The following EML6 variants were observed in gnomAD, a reference collection of about 807,000 sequenced individuals.
EML6 encodes echinoderm microtubule-associated protein-like 6.
Under a neutral mutation model 240.1 loss-of-function variants are expected in EML6, and 154 were observed. That is an observed-to-expected ratio of 0.64 (90% CI 0.56 to 0.73). The LOEUF is 0.73. EML6 is among the 30% of genes least tolerant of loss of function. The pLI is 0.00. For synonymous variants in EML6, 1,148 were observed against 899.0 expected, an observed-to-expected ratio of 1.28 and a Z score of -4.95; for missense variants, 2,964 against 2,474.6, an observed-to-expected ratio of 1.20 and a Z score of -4.20.
At chr2:54,817,349 A>G (rs536512342) in intron 4 of EML6, among the ~76,000 whole-genome samples, 1 of 152,346 alleles carries the variant, frequency 6.6e-6, no homozygotes, top group African/African-American at 2.4e-5. Flanking sequence ...CAGTGTGATC[A>G]AAAATGATAA....
At chr2:54,822,534 A>T (rs1018425756) in intron 5 of EML6, among the ~76,000 whole-genome samples, 1 of 152,224 alleles carries the variant, frequency 6.6e-6, no homozygotes, top group Non-Finnish European at 1.5e-5. Context: ...AGTTGAATAA[A>T]ATGTTACATC....
intron 28 of EML6, among the ~76,000 whole-genome samples, chr2:54,938,503 GA>G (rs1438548895): frequency 6.6e-6 from 1 of 152,124 alleles, no homozygotes; most frequent in African/African-American, 2.4e-5. Context: ...ATTTCTCTGA[GA>G]TGTATTTTAT....
intron 26 of EML6, among the ~76,000 whole-genome samples, chr2:54,918,895 C>G (rs1010873821): frequency 1.3e-5 from 2 of 152,184 alleles, no homozygotes; most frequent in East Asian, 1.9e-4. Flanking sequence ...ATCACTACTT[C>G]TTTTTCCAAA....
In EML6 at chr2:54,950,786, G is replaced by A. The variant is rs531477237; in HGVS notation, c.4213+7G>A. ...GTTCAGAACCTCTCCACAGGTAACC[G>A]GGGGTTAAAAAATACAGGTTTTTCT... On this transcript the variant is annotated splice_region_variant and intron_variant, in intron 30 of 41. Transcript: ENST00000356458. 9.7e-6 allele frequency: 15 copies of A among 1,546,218 alleles called. No individual in the cohort carries two copies. The highest frequency in any genetic ancestry group is 4.8e-5 in the South Asian group (4 of 82,980).
intron 24 of EML6, among the ~76,000 whole-genome samples, chr2:54,909,930 G>A (rs983971428): frequency 6.7e-6 from 1 of 149,420 alleles, no homozygotes; most frequent in African/African-American, 2.5e-5. Context: ...TAAAGAACAC[G>A]ATCTAAACCA....
intron 29 of EML6, among the ~76,000 whole-genome samples, 175 bp from the exon 30 acceptor site, chr2:54,950,475 G>A (rs1184057742): frequency 6.6e-6 from 1 of 152,220 alleles, no homozygotes; most frequent in East Asian, 1.9e-4. Flanking sequence ...CTAAAGAAGG[G>A]GCTGCATTTT....
chr2:54,837,598 C>G (rs1309033155), intron 7 of EML6, among the ~76,000 whole-genome samples: 2 of 152,196 alleles, frequency 1.3e-5, no homozygotes, highest in African/African-American at 4.8e-5. Flanking sequence ...TTTGGGCTTT[C>G]CGATCCAGTG....
At chr2:54,877,373 C>A (rs536720748) in intron 16 of EML6, among the ~76,000 whole-genome samples, 21 of 152,260 alleles carry the variant, frequency 1.4e-4, no homozygotes, top group African/African-American at 4.8e-4. Context: ...TCCTCATCAT[C>A]AGTGTCACCA....
rs1467922789 is a variant in EML6 at position 54,827,748 on chromosome 2, T to C, written c.708T>C (p.His236=). Residue 236 remains histidine (H), a synonymous_variant, in exon 6 of 42, where the codon CAT becomes CAC. Coordinates refer to ENST00000356458, the MANE Select transcript of EML6 (RefSeq NM_001039753.4). ...TAGTCCGCACCATTCAAGGAGCACA[T>C]AGTGTAAGTATTACCTTGTGGAAAT... ...LNLVRTIQGA[H]SAGIFSMYAC... is the part of the protein sequence containing the mutation. 9 of 1,550,252 alleles carry C rather than the reference T, an allele frequency of 5.8e-6. No homozygotes were observed. The highest frequency in any genetic ancestry group is 7.0e-6 in the Non-Finnish European group (8 of 1,145,706).
At chr2:54,945,796 G>A (rs914975542) in intron 28 of EML6, among the ~76,000 whole-genome samples, 5 of 152,250 alleles carry the variant, frequency 3.3e-5, no homozygotes, top group African/African-American at 1.2e-4. Context: ...AAGAGCCCGT[G>A]TCAGGATAAG....
intron 21 of EML6, among the ~76,000 whole-genome samples, chr2:54,895,940 C>G (rs995426928): frequency 3.9e-5 from 6 of 152,212 alleles, no homozygotes; most frequent in Admixed American, 3.3e-4. Flanking sequence ...ATTATGTCAT[C>G]ACATATGTGG....
chr2:54,816,231 G>T (rs1668076579), intron 3 of EML6, among the ~76,000 whole-genome samples: 3 of 152,142 alleles, frequency 2.0e-5, no homozygotes, highest in African/African-American at 7.2e-5. Flanking sequence ...GACAGGTTCT[G>T]ACCTGAACCC....
chr2:54,927,663 T>C (rs1264865398), intron 26 of EML6, among the ~76,000 whole-genome samples: 1 of 152,186 alleles, frequency 6.6e-6, no homozygotes, highest in Non-Finnish European at 1.5e-5. Flanking sequence ...CACCCGGGGA[T>C]AAAGGTGGGG....
intron 17 of EML6, among the ~76,000 whole-genome samples, chr2:54,885,267 A>G (rs1672064648): frequency 6.6e-6 from 1 of 151,994 alleles, no homozygotes; most frequent in Non-Finnish European, 1.5e-5. Context: ...CAACATGGTA[A>G]AACCACCATC....
rs1282670852 is a variant in EML6, at chr2:54,725,041, G to A, written c.-21G>A. 2.0e-6 allele frequency: 3 copies of A among 1,494,412 alleles called. No individual in the cohort carries two copies. The highest frequency in any genetic ancestry group is 2.7e-6 in the Non-Finnish European group (3 of 1,122,530). The allele number at this position is 1,494,412 out of a possible 1,614,324, so 92.6% of individuals were successfully genotyped here. A position where few individuals can be genotyped will look rare whatever the true frequency, so the allele number is the denominator to read the frequency against. ...GGCCCCGGCGCGCGGGGGGGCGGGGGGCGCGCGGGGTCGGCTTATCATGGC... is the reference window on the plus strand; with the variant it reads ...GGCCCCGGCGCGCGGGGGGGCGGGGAGCGCGCGGGGTCGGCTTATCATGGC... On this transcript the variant is annotated 5_prime_UTR_variant, in exon 2 of 42. Transcript: ENST00000356458. The surrounding 1 kb of genome is among the most constrained non-coding windows in gnomAD (Gnocchi z 4.3).
intron 41 of EML6, 44 bp from the exon 42 acceptor site, chr2:54,970,027 T>C (rs1261041643): frequency 5.2e-6 from 8 of 1,550,046 alleles, no homozygotes; most frequent in Non-Finnish European, 7.0e-6. Flanking sequence ...GACACAAGTA[T>C]GATGTCCAGC....
At chr2:54,807,121 CTT>C (rs1670540826) in intron 2 of EML6, among the ~76,000 whole-genome samples, 1 of 150,948 alleles carries the variant, frequency 6.6e-6, no homozygotes, top group Non-Finnish European at 1.5e-5. Flanking sequence ...TTTTTTTCCT[CTT>C]TTTCTAAACT....
intron 2 of EML6, chr2:54,747,464 A>C (rs1683963344): frequency 6.6e-6 from 1 of 152,246 alleles, no homozygotes; most frequent in South Asian, 2.1e-4. Flanking sequence ...CCTGAAATTC[A>C]AAATAGTGGG....
At chr2:54,877,940 G>A (rs544624643) in intron 16 of EML6, among the ~76,000 whole-genome samples, 14 of 152,344 alleles carry the variant, frequency 9.2e-5, no homozygotes, top group African/African-American at 2.9e-4. Context: ...TTGGAGGAGG[G>A]TCTCTTGCAT....
Sources: gnomAD v4.1 joint callset for allele counts (sites outside exome capture counted in the v4.1 genomes callset) on GRCh38, gnomAD v4.1.1 for gene constraint, Gnocchi (gnomAD v3.1) non-coding constraint, MANE v1.5 for transcripts, NCBI Gene and HGNC (gene_info 2026-07-23, HGNC 2026-07-21) for gene names.